The following RAB3IP variants were observed in gnomAD, a reference collection of about 807,000 sequenced individuals.
The protein encoded by RAB3IP is rab-3A-interacting protein.
A neutral mutation model predicts 59.1 loss-of-function variants in RAB3IP; 36 were observed. The ratio of observed to expected loss-of-function variants is 0.61; its 90% confidence interval spans 0.47 to 0.80. The LOEUF (loss-of-function observed/expected upper bound fraction) is 0.80. Ranked by LOEUF, RAB3IP falls within the 30% of genes least tolerant of loss-of-function variation. RAB3IP has a pLI of 0.00. For synonymous variants in RAB3IP, 207 were observed against 191.2 expected (o/e 1.08, Z -0.68); for missense variants, 511 against 536.0 (o/e 0.95, Z 0.46).
intron 8 of RAB3IP, among the ~76,000 whole-genome samples, chr12:69,809,250 A>G (rs1018624945): frequency 1.3e-5 from 2 of 152,058 alleles, no homozygotes; most frequent in Admixed American, 1.3e-4. Flanking sequence ...TGGCTTCTAG[A>G]GTTTCTGCCG....
In RAB3IP at chr12:69,817,530, A is replaced by T. The variant is rs953135741; in HGVS notation, c.*2084A>T. ...CTTAATTTAGAAATCGTGCATCAGT[A>T]GTTAGGCATTGTGGCTCATGCCTGT... On this transcript the variant is annotated 3_prime_UTR_variant, in exon 11 of 11. Transcript: ENST00000247833. 3 of 152,074 alleles carry T rather than the reference A, an allele frequency of 2.0e-5. No individual in the cohort carries two copies. The highest frequency in any genetic ancestry group is 7.2e-5 in the African/African-American group (3 of 41,414). The allele number at this position is 152,074 out of a possible 1,614,324, so 9.4% of individuals were successfully genotyped here.
chr12:69,808,099 C>T (rs1205636528), intron 8 of RAB3IP, among the ~76,000 whole-genome samples: 1 of 152,180 alleles, frequency 6.6e-6, no homozygotes, highest in Admixed American at 6.5e-5. Context: ...TGTCTTTGTT[C>T]TCGTTGGTTT....
intron 3 of RAB3IP, 129 bp downstream of exon 3, chr12:69,756,792 A>G (rs1870309826): frequency 2.7e-6 from 2 of 749,260 alleles, no homozygotes; most frequent in South Asian, 2.0e-5. Flanking sequence ...GCCCAGCCTC[A>G]GCTCCTGTTA....
chr12:69,739,731 C>A, intron 1 of RAB3IP: 2 of 1,042,216 alleles, frequency 1.9e-6, no homozygotes, highest in Non-Finnish European at 3.0e-6. Context: ...GATTGCATGG[C>A]TCTGCCCTCC....
intron 7 of RAB3IP, 91 bp downstream of exon 7, chr12:69,800,428 CA>C: frequency 1.4e-6 from 1 of 728,880 alleles, no homozygotes; most frequent in Non-Finnish European, 2.0e-6. Flanking sequence ...ATATCTCTTA[CA>C]TAAATAAGTT....
Position 69,752,485 on chromosome 12 carries a change from C to A in RAB3IP, c.-25-2899C>A, listed in dbSNP as rs575730179. On this transcript the variant is annotated intron_variant, in intron 1 of 10. Coordinates refer to ENST00000247833, the MANE Select transcript of RAB3IP (RefSeq NM_022456.5). ...TGCAGTGCTTCATTATGAGGATGTA[C>A]CCTGGTTCATTGAATCAGTTTTTTG... 2.6e-5 allele frequency among the ~76,000 whole-genome samples: 4 copies of A among 152,062 alleles called. No homozygotes were observed. The South Asian group carries it at 8.3e-4, about 32-fold the overall frequency.
chr12:69,812,991 T>G lies in RAB3IP; in HGVS notation c.1258T>G (p.Tyr420Asp). ...RITSVCNFFT[Y>D]IRYIQQGLVK... ...CACTTCTGTATGTAACTTTTTTACA[T>G]ACATTCGATACATTCAGCAGGGACT... The change falls in exon 10 of 11, where the codon TAC (tyrosine) becomes GAC (aspartate). Residue 420 changes from tyrosine (Y) to aspartate (D), a missense_variant. Transcript: ENST00000247833. 1 of 1,613,642 alleles carries G rather than the reference T, an allele frequency of 6.2e-7. No homozygotes were observed. The highest frequency in any genetic ancestry group is 8.5e-7 in the Non-Finnish European group (1 of 1,179,590).
chr12:69,800,618 T>G (rs1249002453), intron 7 of RAB3IP, among the ~76,000 whole-genome samples: 2 of 152,126 alleles, frequency 1.3e-5, no homozygotes, highest in African/African-American at 4.8e-5. Flanking sequence ...ATTTCTTGAT[T>G]TGCAGTCCAA....
At chr12:69,756,175 T>C (rs1870182690) in intron 2 of RAB3IP, among the ~76,000 whole-genome samples, 1 of 152,236 alleles carries the variant, frequency 6.6e-6, no homozygotes. Context: ...TGTAGAACTT[T>C]CTGTGTTGAT....
At chr12:69,769,429 G>T (rs576153245) in intron 3 of RAB3IP, among the ~76,000 whole-genome samples, 1 of 152,282 alleles carries the variant, frequency 6.6e-6, no homozygotes, top group Admixed American at 6.5e-5. Context: ...GAATCACAGA[G>T]GGAAGTTCTC....
chr12:69,783,031 C>G (rs1020708545), intron 3 of RAB3IP, among the ~76,000 whole-genome samples: 2 of 152,084 alleles, frequency 1.3e-5, no homozygotes, highest in Non-Finnish European at 2.9e-5. Context: ...TGTTGAAATT[C>G]GGTACCAGTC....
chr12:69,801,824 T>C (rs1878434206), intron 8 of RAB3IP, 103 bp downstream of exon 8: 1 of 700,430 alleles, frequency 1.4e-6, no homozygotes, highest in Non-Finnish European at 2.4e-6. Flanking sequence ...TATATTTCCC[T>C]CAGATTTCTC....
At chr12:69,795,098 G>T in intron 5 of RAB3IP, 43 bp from the exon 6 acceptor site, 1 of 1,435,506 alleles carries the variant, frequency 7.0e-7, no homozygotes, top group Non-Finnish European at 9.7e-7. Context: ...CATATGTCAT[G>T]AAACGTATTT....
chr12:69,805,542 G>T (rs1360758895), intron 8 of RAB3IP, among the ~76,000 whole-genome samples: 1 of 151,968 alleles, frequency 6.6e-6, no homozygotes, highest in African/African-American at 2.4e-5. Flanking sequence ...TGTTGAATAG[G>T]AGTGGTGAGA....
chr12:69,751,494 AT>A, intron 1 of RAB3IP, among the ~76,000 whole-genome samples: 1 of 151,836 alleles, frequency 6.6e-6, no homozygotes, highest in South Asian at 2.1e-4. Flanking sequence ...TAAACTTAGA[AT>A]TTTTTTTCTG....
At chr12:69,795,668 C>T in intron 6 of RAB3IP, 1 of 432,374 alleles carries the variant, frequency 2.3e-6, no homozygotes, top group Non-Finnish European at 4.1e-6. Context: ...CTAGAGTGCG[C>T]TTACAAAGTA....
chr12:69,748,679 T>C lies in RAB3IP; in HGVS notation c.-25-6705T>C, dbSNP rs888882486. Reference sequence around the variant, plus strand: ...TGTGATCATCTTTTTTACATATTGGTCATGATCCTTGACAAGTTTAATTTA... The same window carrying C: ...TGTGATCATCTTTTTTACATATTGGCCATGATCCTTGACAAGTTTAATTTA... On this transcript the variant is annotated intron_variant, in intron 1 of 10. Coordinates refer to ENST00000247833, the MANE Select transcript of RAB3IP (RefSeq NM_022456.5). Among the ~76,000 whole-genome samples the C allele has an allele frequency of 1.1e-4, 17 of 152,220 alleles. 1 individual carries two copies. The highest frequency in any genetic ancestry group is 1.5e-5 in the Non-Finnish European group (1 of 68,040).
At chr12:69,762,878 A>G (rs1450088811) in intron 3 of RAB3IP, among the ~76,000 whole-genome samples, 1 of 152,114 alleles carries the variant, frequency 6.6e-6, no homozygotes, top group African/African-American at 2.4e-5. Context: ...AAAATCACAT[A>G]CTTGCACTAA....
At chr12:69,807,867 G>A (rs1424937451) in intron 8 of RAB3IP, among the ~76,000 whole-genome samples, 4 of 146,256 alleles carry the variant, frequency 2.7e-5, no homozygotes, top group East Asian at 4.2e-4. Flanking sequence ...CCTCCCAGAC[G>A]GGGCGGCCGG....
Sources: gnomAD v4.1 joint callset for allele counts (sites outside exome capture counted in the v4.1 genomes callset) on GRCh38, gnomAD v4.1.1 for gene constraint, MANE v1.5 for transcripts, NCBI Gene and HGNC (gene_info 2026-07-23, HGNC 2026-07-21) for gene names.